The following CD83 variants were observed in gnomAD, a reference collection of about 807,000 sequenced individuals.
CD83 encodes CD83 antigen.
A neutral mutation model predicts 24.6 loss-of-function variants in CD83; 22 were observed. The observed-to-expected ratio is 0.90, with a 90% confidence interval of 0.64 to 1.28. CD83 has a LOEUF of 1.28. Ranked by LOEUF, CD83 falls within the 50% of genes most tolerant of loss-of-function variation. The pLI is 0.00. For synonymous variants in CD83, 101 were observed against 103.5 expected (o/e 0.98, Z 0.14); for missense variants, 253 against 252.8 (o/e 1.00, Z -0.01).
intron 2 of CD83, 79 bp downstream of exon 2, chr6:14,118,144 GACCCTCTGT>G: frequency 2.9e-6 from 3 of 1,040,332 alleles, no homozygotes; most frequent in Non-Finnish European, 4.1e-6. Flanking sequence ...CTAGGCTGGC[GACCCTCTGT>G]GGCTGCCAGG....
intron 2 of CD83, among the ~76,000 whole-genome samples, chr6:14,120,088 T>C (rs1172384715): frequency 1.3e-5 from 2 of 152,236 alleles, no homozygotes; most frequent in Non-Finnish European, 2.9e-5. Context: ...GTTCTTTTTT[T>C]CCTGTTGATC....
At chr6:14,132,314 C>A (rs1757928923) in intron 3 of CD83, among the ~76,000 whole-genome samples, 1 of 152,176 alleles carries the variant, frequency 6.6e-6, no homozygotes, top group Admixed American at 6.5e-5. Flanking sequence ...AGTAGGCCCT[C>A]AATGAATATT....
rs1758033146 is a variant in CD83, at chr6:14,135,642, A to G, written c.*406A>G. On this transcript the variant is annotated 3_prime_UTR_variant, in exon 5 of 5. Transcript: ENST00000379153. ...CTGCATCTTGGGGACATCTCTTTGA[A>G]TTTTCTGTGTTTTGCTGTACCAGCC... is the stretch of plus-strand genomic sequence containing the variant. 1 of 162,930 alleles carries G rather than the reference A, an allele frequency of 6.1e-6. No individual in the cohort carries two copies. Among genetic ancestry groups the G allele is most frequent in the African/African-American group, 2.4e-5 (1 of 41,772 alleles). 10.1% of individuals were successfully genotyped at this position (162,930 alleles called of 1,614,324 possible). A position where few individuals can be genotyped will look rare whatever the true frequency, so the allele number is the denominator to read the frequency against.
chr6:14,128,961 A>G (rs1178243897), intron 2 of CD83, among the ~76,000 whole-genome samples: 1 of 152,200 alleles, frequency 6.6e-6, no homozygotes, highest in East Asian at 1.9e-4. Context: ...CCCAGCAGCT[A>G]ACACAATAAT....
rs750737307 is a variant in CD83 at position 14,117,926 on chromosome 6, C to T, written c.38-24C>T. 2.5e-6 allele frequency: 4 copies of T among 1,597,640 alleles called. No homozygotes were observed. Among genetic ancestry groups the T allele is most frequent in the Non-Finnish European group, 3.4e-6 (4 of 1,175,050 alleles). ...CCCCCTCCCGTCGGTCGCTTGCTCA[C>T]GACGCGCTCTCTCTTTCTTGTAGCC... On this transcript the variant is annotated intron_variant, in intron 1 of 4. Transcript: ENST00000379153. This position sits in a 1 kb window ranked among gnomAD's most constrained non-coding sequence, Gnocchi z 4.6.
intron 2 of CD83, among the ~76,000 whole-genome samples, chr6:14,124,812 C>A (rs1233741627): frequency 2.0e-5 from 3 of 152,122 alleles, no homozygotes; most frequent in South Asian, 2.1e-4. Context: ...TGTGCCCCCC[C>A]CAAAAGATCA....
chr6:14,117,647 C>G, upstream of CD83: 2 of 389,502 alleles, frequency 5.1e-6, no homozygotes, highest in Non-Finnish European at 9.0e-6. This position sits in a 1 kb window ranked among gnomAD's most constrained non-coding sequence, Gnocchi z 4.6. Flanking sequence ...GGGGGCGCCC[C>G]GGCCTAAGCG....
upstream of CD83, chr6:14,117,517 C>T (rs1759552543): frequency 1.3e-5 from 2 of 150,414 alleles, no homozygotes; most frequent in Admixed American, 1.3e-4. The surrounding 1 kb of genome is among the most constrained non-coding windows in gnomAD (Gnocchi z 4.6). Context: ...GCCGCAGCAG[C>T]GACGCGAACT....
rs112782255 is a variant in CD83, at chr6:14,117,932, G to T, written c.38-18G>T. 4 of 1,599,412 alleles carry T rather than the reference G, an allele frequency of 2.5e-6. No homozygotes were observed. In the South Asian group the frequency reaches 4.5e-5, roughly 18 times the overall value. On this transcript the variant is annotated intron_variant, in intron 1 of 4. Transcript: ENST00000379153. This position sits in a 1 kb window ranked among gnomAD's most constrained non-coding sequence, Gnocchi z 4.6. ...CCCGTCGGTCGCTTGCTCACGACGC[G>T]CTCTCTCTTTCTTGTAGCCTACAGC...
intron 2 of CD83, among the ~76,000 whole-genome samples, chr6:14,119,120 T>TG (rs1759612911): frequency 1.3e-5 from 2 of 152,232 alleles, no homozygotes; most frequent in South Asian, 4.1e-4. Context: ...GTCAGTTCCC[T>TG]GGGGGGCAGT....
rs899399503 is a variant in CD83, at chr6:14,117,781, C to T, written c.-31C>T. ...CCGGCGCCCGCGCGCCACAGCTCTG[C>T]AGCTCGTGGCAGCGGCGCAGCGCTC... On this transcript the variant is annotated 5_prime_UTR_variant, in exon 1 of 5. Coordinates refer to ENST00000379153, the MANE Select transcript of CD83 (RefSeq NM_004233.4). The surrounding 1 kb of genome is among the most constrained non-coding windows in gnomAD (Gnocchi z 4.6). 6.8e-7 allele frequency: 1 copy of T among 1,469,266 alleles called. No homozygotes were observed. The highest frequency in any genetic ancestry group is 2.2e-5 in the Admixed American group (1 of 44,920). 91.0% of individuals were successfully genotyped at this position (1,469,266 alleles called of 1,614,324 possible).
chr6:14,136,042 G>A lies in CD83; in HGVS notation c.*806G>A, dbSNP rs1393488558. ...ATAGAGAGCTATTTAATGGCCGGCT[G>A]GAAATGCTGGGCTGACGGTGCAGTC... On this transcript the variant is annotated 3_prime_UTR_variant, in exon 5 of 5. Coordinates refer to ENST00000379153, the MANE Select transcript of CD83 (RefSeq NM_004233.4). 6.6e-6 allele frequency: 1 copy of A among 152,250 alleles called. No individual in the cohort carries two copies. Among genetic ancestry groups the A allele is most frequent in the African/African-American group, 2.4e-5 (1 of 41,456 alleles). The allele number at this position is 152,250 out of a possible 1,614,324, so 9.4% of individuals were successfully genotyped here. A position where few individuals can be genotyped will look rare whatever the true frequency, so the allele number is the denominator to read the frequency against.
At chr6:14,124,096 T>C (rs1483747061) in intron 2 of CD83, among the ~76,000 whole-genome samples, 12 of 152,256 alleles carry the variant, frequency 7.9e-5, no homozygotes, top group Admixed American at 7.9e-4. Context: ...TTTATACTCA[T>C]AAGCATGTTT....
intron 2 of CD83, 142 bp downstream of exon 2, chr6:14,118,207 GC>G (rs2113382494): frequency 1.7e-6 from 1 of 595,804 alleles, no homozygotes; most frequent in East Asian, 3.1e-5. Context: ...GGAGTACCCA[GC>G]CTCCCGTCGC....
intron 2 of CD83, among the ~76,000 whole-genome samples, chr6:14,120,229 G>A (rs1157146626): frequency 6.6e-6 from 1 of 152,102 alleles, no homozygotes; most frequent in Non-Finnish European, 1.5e-5. Context: ...GACATATATT[G>A]TTCCTTTAAG....
At chr6:14,121,965 G>A (rs1335019179) in intron 2 of CD83, among the ~76,000 whole-genome samples, 1 of 152,142 alleles carries the variant, frequency 6.6e-6, no homozygotes, top group Non-Finnish European at 1.5e-5. Context: ...ATGCCTTCTT[G>A]TATCATGCTA....
intron 3 of CD83, among the ~76,000 whole-genome samples, chr6:14,132,182 C>G (rs1396179115): frequency 6.6e-6 from 1 of 152,192 alleles, no homozygotes; most frequent in African/African-American, 2.4e-5. Flanking sequence ...GCCCTTCATC[C>G]TGGTTTCTTT....
chr6:14,131,809 C>T (rs141079572), intron 3 of CD83, 61 bp downstream of exon 3: 1,724 of 1,166,472 alleles, frequency 1.5e-3, no homozygotes, highest in Non-Finnish European at 2.0e-3. Context: ...TCCTTTAGGT[C>T]CTAAAATCGT....
At chr6:14,134,818 G>T (rs1758005849) in intron 4 of CD83, among the ~76,000 whole-genome samples, 1 of 152,206 alleles carries the variant, frequency 6.6e-6, no homozygotes, top group South Asian at 2.1e-4. Flanking sequence ...AAACATGAAT[G>T]ACTTTAGCTT....
Sources: gnomAD v4.1 joint callset for allele counts (sites outside exome capture counted in the v4.1 genomes callset) on GRCh38, gnomAD v4.1.1 for gene constraint, Gnocchi (gnomAD v3.1) non-coding constraint, MANE v1.5 for transcripts, NCBI Gene and HGNC (gene_info 2026-07-23, HGNC 2026-07-21) for gene names.